NAV3: variants seen among roughly 807,000 people sequenced by gnomAD.
The protein encoded by NAV3 is neuron navigator 3, also known as pore membrane and/or filament interacting like protein 1.
Under a neutral mutation model 244.7 loss-of-function variants are expected in NAV3, and 87 were observed. The ratio of observed to expected loss-of-function variants is 0.36; its 90% CI spans 0.30 to 0.42. NAV3 has a LOEUF of 0.42. Ranked by LOEUF, NAV3 falls within the 20% of genes least tolerant of loss-of-function variation. The pLI is 1.00. For synonymous variants in NAV3, 1,126 were observed against 1,042.2 expected (o/e 1.08, Z -1.55); for missense variants, 2,663 against 2,893.3 (o/e 0.92, Z 1.83).
chr12:78,148,975 A>T (rs1364597499), intron 22 of NAV3, 56 bp downstream of exon 22: 1 of 1,407,810 alleles, frequency 7.1e-7, no homozygotes, highest in Non-Finnish European at 9.9e-7. Flanking sequence ...AGGAAAATGA[A>T]ATCATTTTAG....
intron 2 of NAV3, among the ~76,000 whole-genome samples, chr12:77,696,231 A>G (rs1025542128): frequency 1.3e-5 from 2 of 152,126 alleles, no homozygotes; most frequent in African/African-American, 2.4e-5. Context: ...CTTATAACCA[A>G]TAGAATATGG....
intron 2 of NAV3, among the ~76,000 whole-genome samples, chr12:77,664,932 A>G (rs945535388): frequency 6.6e-6 from 1 of 152,206 alleles, no homozygotes; most frequent in Non-Finnish European, 1.5e-5. Flanking sequence ...TTTCTAAGAG[A>G]CAAGGTCTTG....
At chr12:77,877,225 A>T (rs979662575) in intron 1 of NAV3, among the ~76,000 whole-genome samples, 1 of 152,130 alleles carries the variant, frequency 6.6e-6, no homozygotes, top group Non-Finnish European at 1.5e-5. Flanking sequence ...TTTCTTCCCT[A>T]TCTTGCTGAT....
chr12:77,691,332 T>TATATATATATATATATACAC (rs1491373896), intron 2 of NAV3, among the ~76,000 whole-genome samples: 1 of 57,660 alleles, frequency 1.7e-5, no homozygotes, highest in African/African-American at 5.5e-5. Context: ...TATTTGTGTA[T>TATATATATATATATATACAC]GTGTGTATAT....
intron 18 of NAV3, among the ~76,000 whole-genome samples, chr12:78,130,039 CCATATA>C (rs1956093919): frequency 6.6e-6 from 1 of 152,178 alleles, no homozygotes; most frequent in African/African-American, 2.4e-5. Context: ...AACTCAAACA[CCATATA>C]CATTTGTAAT....
chr12:77,649,761 A>G (rs773123058), intron 2 of NAV3, among the ~76,000 whole-genome samples: 5 of 152,146 alleles, frequency 3.3e-5, no homozygotes, highest in Admixed American at 2.6e-4. Flanking sequence ...TATATTTTTT[A>G]TGACAAAAGA....
chr12:77,931,692 C>T (rs978698996), intron 1 of NAV3, among the ~76,000 whole-genome samples: 3 of 151,992 alleles, frequency 2.0e-5, no homozygotes, highest in Admixed American at 6.6e-5. Flanking sequence ...CGATGAAACC[C>T]TATCTCTACT....
rs780975122 is a variant in NAV3 at position 78,006,689 on chromosome 12, T to C, written c.1151T>C (p.Met384Thr). ...ACTGCTCCCTCAGGACAGAAATCCA[T>C]GCTTGAGAAATTCAAGCTAGTCAAT... ...VKTAPSGQKS[M>T]LEKFKLVNAR... is the part of the protein sequence containing the mutation. The change falls in exon 8 of 40, where the codon ATG (methionine) becomes ACG (threonine). Residue 384 changes from methionine to threonine, a missense_variant. Physicochemically the swap from Met to Thr is moderately conservative, Grantham distance 81 (BLOSUM62 -1). Coordinates refer to ENST00000397909, the MANE Select transcript of NAV3 (RefSeq NM_001024383.2). 1.2e-6 allele frequency: 2 copies of C among 1,614,116 alleles called. No individual in the cohort carries two copies. Among genetic ancestry groups the C allele is most frequent in the South Asian group, 1.1e-5 (1 of 91,082 alleles).
intron 2 of NAV3, among the ~76,000 whole-genome samples, chr12:77,720,065 A>C (rs1876541197): frequency 6.6e-6 from 1 of 152,032 alleles, no homozygotes; most frequent in African/African-American, 2.4e-5. Flanking sequence ...CATTTCTCCT[A>C]GGTTATCCAA....
At chr12:77,615,247 TTTTA>T (rs1428909748) in intron 2 of NAV3, among the ~76,000 whole-genome samples, 4 of 152,196 alleles carry the variant, frequency 2.6e-5, no homozygotes, top group Admixed American at 6.5e-5. Flanking sequence ...GAAGTATTTA[TTTTA>T]TTTATTTATT....
At chr12:78,028,012 C>T (rs1264528093) in intron 9 of NAV3, among the ~76,000 whole-genome samples, 2 of 151,676 alleles carry the variant, frequency 1.3e-5, no homozygotes. Flanking sequence ...GTTGGAGAGA[C>T]TAGACTGTGG....
At chr12:77,974,865 T>C (rs1273257567) in intron 5 of NAV3, among the ~76,000 whole-genome samples, 2 of 152,174 alleles carry the variant, frequency 1.3e-5, no homozygotes, top group Non-Finnish European at 2.9e-5. Flanking sequence ...CAGCATATAA[T>C]AGACACTCAA....
chr12:77,715,075 G>A lies in NAV3; in HGVS notation c.72+142809G>A, dbSNP rs1876299067. Reference sequence around the variant, plus strand: ...TTGATTTGGTTCTCCCATTGAAGTTGTAAAAGCAAGAACTATAAAAACTTA... The same window carrying A: ...TTGATTTGGTTCTCCCATTGAAGTTATAAAAGCAAGAACTATAAAAACTTA... On this transcript the variant is annotated intron_variant, in intron 2 of 8. Transcript: ENST00000550042. 2.0e-5 allele frequency among the ~76,000 whole-genome samples: 3 copies of A among 152,074 alleles called. No individual in the cohort carries two copies. In the South Asian group the frequency reaches 6.2e-4, roughly 31 times the overall value.
chr12:78,200,760 T>G (rs989736376), intron 38 of NAV3, among the ~76,000 whole-genome samples, 169 bp downstream of exon 38: 1 of 152,068 alleles, frequency 6.6e-6, no homozygotes, highest in East Asian at 1.9e-4. Flanking sequence ...ATATTTTGCC[T>G]GTTCTGAGAA....
rs990187062 is a variant in NAV3, at chr12:77,963,690, ATAAC to A, written c.415-2532_415-2529del. Reference sequence around the variant, plus strand: ...AGCTACTCAGGCAATAATGGGGAACATAACTAACTATCTTAAATTGCTGGTCCTC... The same window carrying A: ...AGCTACTCAGGCAATAATGGGGAACATAACTATCTTAAATTGCTGGTCCTC... On this transcript the variant is annotated intron_variant, in intron 3 of 39. Transcript: ENST00000397909. Among the ~76,000 whole-genome samples, 197 of 152,332 alleles carry A rather than the reference ATAAC, an allele frequency of 1.3e-3. 6 individuals are homozygous for A. Among genetic ancestry groups the A allele is most frequent in the Admixed American group, 0.012 (183 of 15,290 alleles).
intron 8 of NAV3, among the ~76,000 whole-genome samples, chr12:78,009,599 T>A (rs193092669): frequency 4.6e-4 from 70 of 152,250 alleles, no homozygotes; most frequent in African/African-American, 1.7e-3. Flanking sequence ...GGGTCATATA[T>A]GTAAAGATTC....
chr12:77,945,891 G>A (rs1890290148), intron 3 of NAV3, among the ~76,000 whole-genome samples: 1 of 151,458 alleles, frequency 6.6e-6, no homozygotes, highest in Non-Finnish European at 1.5e-5. Flanking sequence ...TGGGATTACA[G>A]GTGCCCACCA....
chr12:77,785,575 G>C (rs1434680923), intron 2 of NAV3, among the ~76,000 whole-genome samples: 1 of 152,150 alleles, frequency 6.6e-6, no homozygotes, highest in African/African-American at 2.4e-5. Context: ...CTGTATTAGG[G>C]ATAGGTTCAA....
intron 8 of NAV3, among the ~76,000 whole-genome samples, chr12:78,020,886 AG>A (rs1215136760): frequency 6.6e-6 from 1 of 152,162 alleles, no homozygotes; most frequent in Non-Finnish European, 1.5e-5. Context: ...ATGTCTCTAA[AG>A]AACACAGTCC....
Sources: gnomAD v4.1 joint callset for allele counts (sites outside exome capture counted in the v4.1 genomes callset) on GRCh38, gnomAD v4.1.1 for gene constraint, MANE v1.5 for transcripts, NCBI Gene and HGNC (gene_info 2026-07-23, HGNC 2026-07-21) for gene names.